PSTPIP2: variants seen among roughly 807,000 people sequenced by gnomAD.
The protein encoded by PSTPIP2 is proline-serine-threonine phosphatase interacting protein 2.
In PSTPIP2, 33 loss-of-function variants were observed where a neutral mutation model predicts 63.3. The ratio of observed to expected loss-of-function variants is 0.52; its 90% CI spans 0.40 to 0.70. The LOEUF is 0.70. PSTPIP2 is among the 30% of genes least tolerant of loss of function. The pLI is 0.00. For missense variants in PSTPIP2, 312 were observed against 400.7 expected, an observed-to-expected ratio of 0.78 and a Z score of 1.89; for synonymous variants, 125 against 132.7, an observed-to-expected ratio of 0.94 and a Z score of 0.40.
intron 5 of PSTPIP2, 159 bp downstream of exon 5, chr18:46,011,022 C>G (rs2051789651): frequency 3.2e-6 from 2 of 623,092 alleles, no homozygotes; most frequent in Non-Finnish European, 5.8e-6. Context: ...AATGCATATA[C>G]CCATCTGGAC....
intron 6 of PSTPIP2, among the ~76,000 whole-genome samples, chr18:46,001,447 T>G (rs925647881): frequency 2.6e-5 from 4 of 151,984 alleles, no homozygotes; most frequent in African/African-American, 4.8e-5. Flanking sequence ...CAATTGTTTG[T>G]TTTTTTTCTT....
At chr18:45,993,015 C>T (rs1275484941) in intron 10 of PSTPIP2, among the ~76,000 whole-genome samples, 1 of 152,134 alleles carries the variant, frequency 6.6e-6, no homozygotes, top group East Asian at 1.9e-4. Flanking sequence ...TGTAAGCCAC[C>T]GTGCCCAGCC....
At chr18:46,039,497 T>A (rs1264157800) in intron 2 of PSTPIP2, among the ~76,000 whole-genome samples, 1 of 152,080 alleles carries the variant, frequency 6.6e-6, no homozygotes, top group East Asian at 1.9e-4. Flanking sequence ...CAAATCCACC[T>A]CACCCTCTGA....
intron 8 of PSTPIP2, 118 bp downstream of exon 8, chr18:45,998,676 C>A: frequency 9.8e-7 from 1 of 1,016,254 alleles, no homozygotes; most frequent in East Asian, 2.6e-5. Context: ...ACTAATCCTG[C>A]TGAATATCCA....
chr18:46,042,524 C>T (rs987827070), intron 1 of PSTPIP2, among the ~76,000 whole-genome samples: 1 of 152,156 alleles, frequency 6.6e-6, no homozygotes, highest in African/African-American at 2.4e-5. Context: ...GTGCTTGCAG[C>T]TTCTTTCAAG....
chr18:46,038,505 G>A (rs1172801080), intron 2 of PSTPIP2, among the ~76,000 whole-genome samples: 1 of 152,128 alleles, frequency 6.6e-6, no homozygotes, highest in African/African-American at 2.4e-5. Flanking sequence ...GGGAGGAACA[G>A]AAAAAAGCAG....
In PSTPIP2 at chr18:45,997,805, C is replaced by A. The variant is rs753368097; in HGVS notation, c.586G>T (p.Gly196Cys). 2 of 1,551,880 alleles carry A rather than the reference C, an allele frequency of 1.3e-6. No homozygotes were observed. The highest frequency in any genetic ancestry group is 1.7e-6 in the Non-Finnish European group (2 of 1,144,308). ...DSDKAYMLHI[G>C]TLDKVREEWQ... ...TCTTCTCGGACCTTATCCAGGGTGC[C>A]GATGTGCAGCATGTATGCTTTGTCT... Residue 196 changes from glycine (G) to cysteine (C), a missense_variant, in exon 9 of 15, where the codon GGC (glycine) becomes TGC (cysteine). By Grantham distance (159) the Gly-to-Cys change is radical. Coordinates refer to ENST00000409746, the MANE Select transcript of PSTPIP2 (RefSeq NM_024430.4).
At chr18:46,063,634 C>T (rs1245766513) in intron 1 of PSTPIP2, among the ~76,000 whole-genome samples, 3 of 151,928 alleles carry the variant, frequency 2.0e-5, no homozygotes, top group African/African-American at 7.3e-5. Context: ...CACACACACA[C>T]ACACACGTGT....
chr18:45,990,968 T>C (rs1189707314), intron 12 of PSTPIP2, among the ~76,000 whole-genome samples: 1 of 152,098 alleles, frequency 6.6e-6, no homozygotes, highest in Non-Finnish European at 1.5e-5. Context: ...GCATGCATAG[T>C]GATTAGGAGC....
At chr18:46,047,538 G>T (rs1908426968) in intron 1 of PSTPIP2, among the ~76,000 whole-genome samples, 1 of 152,310 alleles carries the variant, frequency 6.6e-6, no homozygotes, top group Non-Finnish European at 1.5e-5. Context: ...GTTGTGGTGA[G>T]CTGAGATCAC....
At chr18:46,066,378 G>A (rs1448287033) in intron 1 of PSTPIP2, among the ~76,000 whole-genome samples, 2 of 152,134 alleles carry the variant, frequency 1.3e-5, no homozygotes, top group Non-Finnish European at 2.9e-5. Context: ...ATTTCATGTT[G>A]AGACTCATCT....
intron 1 of PSTPIP2, among the ~76,000 whole-genome samples, chr18:46,060,884 AG>A (rs574651177): frequency 2.6e-4 from 39 of 152,352 alleles, no homozygotes; most frequent in Non-Finnish European, 5.4e-4. Flanking sequence ...TGTACTCTAT[AG>A]TACTCTATCC....
intron 2 of PSTPIP2, among the ~76,000 whole-genome samples, 184 bp from the exon 3 acceptor site, chr18:46,024,870 C>T (rs1907521685): frequency 6.6e-6 from 1 of 152,188 alleles, no homozygotes; most frequent in African/African-American, 2.4e-5. Context: ...ATCGATGGCC[C>T]TCATCTCTAT....
intron 1 of PSTPIP2, among the ~76,000 whole-genome samples, chr18:46,058,997 T>C (rs918667156): frequency 6.6e-4 from 100 of 152,268 alleles, no homozygotes; most frequent in African/African-American, 2.3e-3. Flanking sequence ...TTTAATACTT[T>C]AGGGGGAAAT....
At chr18:45,992,550 G>A (rs1278913427) in intron 10 of PSTPIP2, among the ~76,000 whole-genome samples, 11 of 144,774 alleles carry the variant, frequency 7.6e-5, no homozygotes, top group South Asian at 4.3e-4. Flanking sequence ...GCGACAGTGC[G>A]AGACTCCGTC....
At chr18:45,993,983 G>T in intron 9 of PSTPIP2, 1 of 391,148 alleles carries the variant, frequency 2.6e-6, no homozygotes, top group Non-Finnish European at 4.9e-6. Flanking sequence ...AGTTCCTACC[G>T]ACATTTCCAA....
intron 4 of PSTPIP2, among the ~76,000 whole-genome samples, chr18:46,014,049 G>A (rs2051828501): frequency 6.6e-6 from 1 of 150,828 alleles, no homozygotes; most frequent in South Asian, 2.1e-4. Context: ...TTTTTAAACA[G>A]TCTTACTCTG....
At chr18:46,034,472 T>C (rs1287980791) in intron 2 of PSTPIP2, among the ~76,000 whole-genome samples, 1 of 152,218 alleles carries the variant, frequency 6.6e-6, no homozygotes, top group African/African-American at 2.4e-5. Context: ...ATTGTAATCT[T>C]GGGCAAGTCA....
At chr18:46,031,440 ATTC>A (rs1907784218) in intron 2 of PSTPIP2, among the ~76,000 whole-genome samples, 1 of 152,230 alleles carries the variant, frequency 6.6e-6, no homozygotes, top group South Asian at 2.1e-4. Context: ...TCAGGCCTCT[ATTC>A]TTCGACTCTA....
Sources: allele counts gnomAD v4.1 joint callset (sites outside exome capture counted in the v4.1 genomes callset), GRCh38; gene constraint gnomAD v4.1.1; transcripts MANE v1.5; gene names NCBI Gene and HGNC (gene_info 2026-07-23, HGNC 2026-07-21).